NKAIN3: variants seen among roughly 807,000 people sequenced by gnomAD.
The protein encoded by NKAIN3 is sodium/potassium-transporting ATPase subunit beta-1-interacting protein 3.
Under a neutral mutation model 30.2 loss-of-function variants are expected in NKAIN3, and 25 were observed. The observed-to-expected ratio is 0.83, with a 90% CI of 0.60 to 1.16. The LOEUF (loss-of-function observed/expected upper bound fraction) is 1.16, where lower values mean the gene tolerates loss of function less well. Among genes scored for constraint, NKAIN3 ranks in the 50% most tolerant of loss-of-function variants. The pLI is 0.00. For missense variants in NKAIN3, 225 were observed against 254.1 expected (o/e 0.89, Z 0.78); for synonymous variants, 91 against 89.6 (o/e 1.02, Z -0.09).
intron 3 of NKAIN3, among the ~76,000 whole-genome samples, chr8:62,696,470 A>G (rs1384471020): frequency 1.3e-5 from 2 of 152,212 alleles, no homozygotes; most frequent in South Asian, 2.1e-4. Context: ...AATACCAACA[A>G]TGATTCTAAT....
intron 3 of NKAIN3, among the ~76,000 whole-genome samples, chr8:62,708,029 G>A (rs892520709): frequency 9.2e-5 from 14 of 152,018 alleles, no homozygotes; most frequent in South Asian, 2.1e-4. Context: ...AAGACCAGTT[G>A]GCTGTACATA....
intron 3 of NKAIN3, among the ~76,000 whole-genome samples, chr8:62,606,525 A>ATGCTGC (rs1811137938): frequency 6.6e-6 from 1 of 152,126 alleles, no homozygotes; most frequent in Non-Finnish European, 1.5e-5. Flanking sequence ...TGGAAAAAAA[A>ATGCTGC]TGGCATAAAG....
At chr8:62,835,638 G>A (rs1301903884) in intron 4 of NKAIN3, among the ~76,000 whole-genome samples, 4 of 152,016 alleles carry the variant, frequency 2.6e-5, no homozygotes, top group Non-Finnish European at 5.9e-5. Context: ...AAACCACAAT[G>A]AGATACATCC....
At chr8:62,330,409 G>T (rs1338831593) in intron 1 of NKAIN3, among the ~76,000 whole-genome samples, 1 of 152,004 alleles carries the variant, frequency 6.6e-6, no homozygotes, top group African/African-American at 2.4e-5. Flanking sequence ...CTAAGAGAGG[G>T]TAGTGGCAGT....
At chr8:62,657,998 C>T (rs1378040670) in intron 3 of NKAIN3, among the ~76,000 whole-genome samples, 5 of 151,932 alleles carry the variant, frequency 3.3e-5, no homozygotes, top group African/African-American at 4.8e-5. Context: ...GCAGATCTCT[C>T]GCTTTATCTC....
intron 1 of NKAIN3, among the ~76,000 whole-genome samples, chr8:62,338,546 C>A (rs1815638864): frequency 6.6e-6 from 1 of 151,850 alleles, no homozygotes; most frequent in South Asian, 2.1e-4. Flanking sequence ...AAGGTCAGCT[C>A]TTATATTAGG....
In NKAIN3 at chr8:62,510,576, T is replaced by C. The variant is rs577013925; in HGVS notation, c.55-68963T>C. 2.6e-5 allele frequency among the ~76,000 whole-genome samples: 4 copies of C among 151,696 alleles called. No individual in the cohort carries two copies. In the East Asian group the frequency reaches 7.8e-4, roughly 30 times the overall value. On this transcript the variant is annotated intron_variant, in intron 1 of 6. Coordinates refer to ENST00000623646, the MANE Select transcript of NKAIN3 (RefSeq NM_001304533.3). ...ATTCAGAGCCCTTATGAAAATAGGG[T>C]TTGTTAACAAAAGGAAAGATGAGAA...
At chr8:62,889,195 C>G (rs1313628611) in intron 4 of NKAIN3, among the ~76,000 whole-genome samples, 2 of 151,796 alleles carry the variant, frequency 1.3e-5, no homozygotes, top group Non-Finnish European at 2.9e-5. Context: ...ATGGTGAAAC[C>G]CTGTCTCTAC....
At chr8:62,929,440 T>C (rs939856974) in intron 5 of NKAIN3, among the ~76,000 whole-genome samples, 1 of 152,254 alleles carries the variant, frequency 6.6e-6, no homozygotes, top group Non-Finnish European at 1.5e-5. Flanking sequence ...CGTGTTTATT[T>C]GGAAAAGTAA....
chr8:62,850,438 G>A (rs1819857126), intron 4 of NKAIN3, among the ~76,000 whole-genome samples: 1 of 151,942 alleles, frequency 6.6e-6, no homozygotes, highest in East Asian at 1.9e-4. Flanking sequence ...TTCTTTTGCT[G>A]TGCAGAAGCT....
chr8:62,323,276 C>A (rs1360020163), intron 1 of NKAIN3, among the ~76,000 whole-genome samples: 3 of 152,104 alleles, frequency 2.0e-5, no homozygotes, highest in African/African-American at 7.2e-5. Flanking sequence ...TTAGAAGCAA[C>A]AAAGATGTCC....
rs565366642 is a variant in NKAIN3, at chr8:62,721,143, T to C, written c.274-25789T>C. On this transcript the variant is annotated intron_variant, in intron 3 of 6. Transcript: ENST00000623646. ...CATCTGTCCAGGAGTAAAATATCCC[T>C]GTAGCAGAGTCACATATAGAAGCCG... 3.3e-3 allele frequency among the ~76,000 whole-genome samples: 499 copies of C among 152,302 alleles called. 6 individuals carry two copies. Among genetic ancestry groups the C allele is most frequent in the Non-Finnish European group, 3.6e-3 (243 of 68,018 alleles).
At chr8:62,534,171 G>A (rs966915452) in intron 1 of NKAIN3, among the ~76,000 whole-genome samples, 7 of 152,094 alleles carry the variant, frequency 4.6e-5, no homozygotes, top group African/African-American at 9.7e-5. Context: ...CTCTGCCCCC[G>A]GCTAGGCTTG....
chr8:62,907,607 T>C (rs1278613720), intron 4 of NKAIN3, among the ~76,000 whole-genome samples: 1 of 152,208 alleles, frequency 6.6e-6, no homozygotes, highest in Non-Finnish European at 1.5e-5. Context: ...TCCGGAGACT[T>C]GGTGCCCTGC....
chr8:62,402,378 T>C (rs957718149), intron 1 of NKAIN3, among the ~76,000 whole-genome samples: 3 of 152,196 alleles, frequency 2.0e-5, no homozygotes, highest in African/African-American at 7.2e-5. Context: ...AGACCTGGAA[T>C]TGGGAACCTC....
rs527829927 is a variant in NKAIN3 at position 62,896,191 on chromosome 8, C to T, written c.472-22262C>T. On this transcript the variant is annotated intron_variant, in intron 4 of 6. Transcript: ENST00000623646. The stretch of plus-strand genomic sequence containing the variant: ...CCCCCTCTTGATTCACAGATGGATG[C>T]CTTCTGTCTGTAACCTCACATGGTA... Among the ~76,000 whole-genome samples the T allele has an allele frequency of 2.0e-5, 3 of 152,114 alleles. No homozygotes were observed. The East Asian group carries it at 5.8e-4, about 30-fold the overall frequency.
At chr8:62,480,423 G>T (rs949736836) in intron 1 of NKAIN3, among the ~76,000 whole-genome samples, 1 of 151,806 alleles carries the variant, frequency 6.6e-6, no homozygotes, top group Non-Finnish European at 1.5e-5. Context: ...TAAAGCTGGG[G>T]GGAAAATCAC....
chr8:62,877,140 G>GCA, intron 4 of NKAIN3, among the ~76,000 whole-genome samples: 1 of 152,226 alleles, frequency 6.6e-6, no homozygotes, highest in Non-Finnish European at 1.5e-5. Context: ...CCACAGTGTT[G>GCA]CACATGGCCA....
At chr8:62,561,839 C>T (rs984751462) in intron 1 of NKAIN3, among the ~76,000 whole-genome samples, 1 of 152,116 alleles carries the variant, frequency 6.6e-6, no homozygotes, top group Non-Finnish European at 1.5e-5. Context: ...CTTGTTGAAA[C>T]ATAGGTCATA....
Sources: gnomAD v4.1 joint callset for allele counts (sites outside exome capture counted in the v4.1 genomes callset) on GRCh38, gnomAD v4.1.1 for gene constraint, MANE v1.5 for transcripts, NCBI Gene and HGNC (gene_info 2026-07-23, HGNC 2026-07-21) for gene names.